Variants in VSTM5 observed in about 807,000 individuals in gnomAD.
VSTM5 encodes V-set and transmembrane domain-containing protein 5.
A neutral mutation model predicts 20.3 loss-of-function variants in VSTM5; 21 were observed. That is an observed-to-expected ratio of 1.03 (90% CI 0.73 to 1.49). The LOEUF (loss-of-function observed/expected upper bound fraction) is 1.49, where lower values mean the gene tolerates loss of function less well. Among genes scored for constraint, VSTM5 ranks in the 40% most tolerant of loss-of-function variants. The pLI, the probability that VSTM5 is intolerant of heterozygous loss-of-function variation, is 0.00. For missense variants in VSTM5, 219 were observed against 250.0 expected, an observed-to-expected ratio of 0.88 and a Z score of 0.84; for synonymous variants, 100 against 102.5, an observed-to-expected ratio of 0.98 and a Z score of 0.14.
intron 1 of VSTM5, among the ~76,000 whole-genome samples, chr11:93,843,508 A>C (rs572403180): frequency 6.6e-6 from 1 of 152,106 alleles, no homozygotes; most frequent in Admixed American, 6.5e-5. Context: ...AAGTCCCTCA[A>C]CTTCTTTGAG....
intron 1 of VSTM5, among the ~76,000 whole-genome samples, chr11:93,848,840 G>A (rs1193602518): frequency 6.6e-6 from 1 of 152,216 alleles, no homozygotes; most frequent in Non-Finnish European, 1.5e-5. Flanking sequence ...GCTGGTCCCT[G>A]AGCATGAGGG....
chr11:93,820,553 T>G lies in VSTM5; in HGVS notation c.*16A>C, dbSNP rs1341055433. 6.4e-6 allele frequency: 10 copies of G among 1,551,754 alleles called. No individual in the cohort carries two copies. The highest frequency in any genetic ancestry group is 2.0e-5 in the Admixed American group (1 of 50,982). ...GTTTCCTCTTGAGGTAGGAATGCAG[T>G]CAGGCCCAGCCTTGGCTAACACTCA... is the stretch of plus-strand genomic sequence containing the variant. On this transcript the variant is annotated 3_prime_UTR_variant, in exon 4 of 4. Coordinates refer to ENST00000409977, the MANE Select transcript of VSTM5 (RefSeq NM_001144871.2).
Position 93,820,742 on chromosome 11 carries a change from C to A in VSTM5, c.559+1G>T, listed in dbSNP as rs1944174294. The A allele has an allele frequency of 6.4e-7, 1 of 1,551,708 alleles. No homozygotes were observed. The highest frequency in any genetic ancestry group is 8.7e-7 in the Non-Finnish European group (1 of 1,146,998). On this transcript the variant is annotated splice_donor_variant, in intron 3 of 3. Transcript: ENST00000409977. LOFTEE classifies it high-confidence loss of function. Reference sequence around the variant, plus strand: ...GATTATCACAAGGCCCAGGGGGTTACCTTTGAGTTTGTGTCTTCTCTTCCT... The same window carrying A: ...GATTATCACAAGGCCCAGGGGGTTAACTTTGAGTTTGTGTCTTCTCTTCCT...
At chr11:93,830,498 A>G (rs1565300856) in intron 1 of VSTM5, among the ~76,000 whole-genome samples, 2 of 152,116 alleles carry the variant, frequency 1.3e-5, no homozygotes, top group African/African-American at 4.8e-5. Context: ...TCATCTCAGA[A>G]CCCCCAGTGC....
intron 1 of VSTM5, among the ~76,000 whole-genome samples, chr11:93,826,640 C>A (rs570301992): frequency 3.3e-5 from 5 of 152,136 alleles, no homozygotes; most frequent in African/African-American, 1.2e-4. Flanking sequence ...ACCTCGTGAT[C>A]CGCCCGCCTC....
At chr11:93,831,786 T>C (rs1229810798) in intron 1 of VSTM5, among the ~76,000 whole-genome samples, 1 of 152,206 alleles carries the variant, frequency 6.6e-6, no homozygotes, top group East Asian at 1.9e-4. Flanking sequence ...TAACACCTGT[T>C]AGATATCAGA....
intron 1 of VSTM5, among the ~76,000 whole-genome samples, chr11:93,833,915 C>T (rs1212785102): frequency 6.6e-6 from 1 of 151,940 alleles, no homozygotes; most frequent in Non-Finnish European, 1.5e-5. Flanking sequence ...CTGTTCAATT[C>T]CTCCCCTTGG....
At chr11:93,843,722 G>C (rs1944390071) in intron 1 of VSTM5, among the ~76,000 whole-genome samples, 2 of 152,116 alleles carry the variant, frequency 1.3e-5, no homozygotes, top group African/African-American at 4.8e-5. Context: ...TTGGCTGGAG[G>C]CTATTATCAG....
intron 1 of VSTM5, among the ~76,000 whole-genome samples, chr11:93,832,447 C>T (rs1407358344): frequency 6.6e-6 from 1 of 152,124 alleles, no homozygotes; most frequent in Non-Finnish European, 1.5e-5. Flanking sequence ...CTGTGGTTGT[C>T]TTTGGGGAGA....
intron 1 of VSTM5, among the ~76,000 whole-genome samples, chr11:93,822,647 A>AT (rs1481879755): frequency 6.6e-6 from 1 of 150,722 alleles, no homozygotes; most frequent in Non-Finnish European, 1.5e-5. Flanking sequence ...GCCAGGCTAA[A>AT]TTTTTTTTGC....
At chr11:93,832,743 T>C (rs937637400) in intron 1 of VSTM5, among the ~76,000 whole-genome samples, 3 of 152,212 alleles carry the variant, frequency 2.0e-5, no homozygotes, top group Non-Finnish European at 4.4e-5. Context: ...CACTTGCTTA[T>C]TTGATCACTA....
chr11:93,827,730 C>CT (rs1944250508), intron 1 of VSTM5: 1 of 143,098 alleles, frequency 7.0e-6, no homozygotes, highest in Admixed American at 7.0e-5. Flanking sequence ...ATTGAGTAGT[C>CT]TTAAAAAAAA....
intron 1 of VSTM5, among the ~76,000 whole-genome samples, chr11:93,837,856 T>A (rs1198983617): frequency 6.6e-6 from 1 of 152,126 alleles, no homozygotes; most frequent in African/African-American, 2.4e-5. Context: ...AAGGAATTTT[T>A]AAAATAAAAC....
At chr11:93,837,540 A>G (rs1339809083) in intron 1 of VSTM5, among the ~76,000 whole-genome samples, 1 of 152,104 alleles carries the variant, frequency 6.6e-6, no homozygotes, top group Non-Finnish European at 1.5e-5. Context: ...GTGGGTTCCA[A>G]TATCGATCTG....
intron 1 of VSTM5, among the ~76,000 whole-genome samples, chr11:93,826,196 T>A (rs1312176654): frequency 1.3e-5 from 2 of 152,034 alleles, no homozygotes; most frequent in Non-Finnish European, 2.9e-5. Flanking sequence ...GCTATGATCG[T>A]GCCATTGCAC....
At position 93,847,192 on chromosome 11, in the gene VSTM5, T is replaced by A. The variant is rs148473298; in HGVS notation, c.91+3220A>T. Reference sequence around the variant, plus strand: ...GCAGAGTGAGACCACACCTCATGTGTCTCTGTTTGATCAGGGATCAGTGCA... The same window carrying A: ...GCAGAGTGAGACCACACCTCATGTGACTCTGTTTGATCAGGGATCAGTGCA... On this transcript the variant is annotated intron_variant, in intron 1 of 3. Coordinates refer to ENST00000409977, the MANE Select transcript of VSTM5 (RefSeq NM_001144871.2). Among the ~76,000 whole-genome samples the A allele has an allele frequency of 7.7e-3, 1,170 of 152,290 alleles. 16 individuals are homozygous for A. Among genetic ancestry groups the A allele is most frequent in the African/African-American group, 0.026 (1,096 of 41,550 alleles).
intron 1 of VSTM5, among the ~76,000 whole-genome samples, chr11:93,844,688 G>T (rs1944398739): frequency 6.6e-6 from 1 of 152,124 alleles, no homozygotes; most frequent in South Asian, 2.1e-4. Context: ...CTCCTTACCT[G>T]ACTACCTCCT....
At chr11:93,836,664 T>G (rs1460179765) in intron 1 of VSTM5, among the ~76,000 whole-genome samples, 1 of 152,242 alleles carries the variant, frequency 6.6e-6, no homozygotes, top group Admixed American at 6.5e-5. Flanking sequence ...CTTGTATGTT[T>G]TCATAGCACT....
At chr11:93,846,835 C>T (rs1360536524) in intron 1 of VSTM5, among the ~76,000 whole-genome samples, 3 of 147,656 alleles carry the variant, frequency 2.0e-5, no homozygotes, top group Non-Finnish European at 3.0e-5. Context: ...GGCATGATCT[C>T]GGCTCACTGC....
Sources: gnomAD v4.1 joint callset for allele counts (sites outside exome capture counted in the v4.1 genomes callset) on GRCh38, gnomAD v4.1.1 for gene constraint, MANE v1.5 for transcripts, NCBI Gene and HGNC (gene_info 2026-07-23, HGNC 2026-07-21) for gene names.